Variants in ITPR2 observed in about 807,000 individuals in gnomAD.
The protein encoded by ITPR2 is inositol 1,4,5-trisphosphate-gated calcium channel ITPR2.
A neutral mutation model predicts 317.1 loss-of-function variants in ITPR2; 207 were observed. The observed-to-expected ratio is 0.65, with a 90% CI of 0.58 to 0.73. The LOEUF (loss-of-function observed/expected upper bound fraction) is 0.73. Ranked by LOEUF, ITPR2 falls within the 30% of genes least tolerant of loss-of-function variation. The probability of loss-of-function intolerance (pLI) is 0.00; values close to 1 mark genes in which losing one functional copy is unlikely to be tolerated. For missense variants in ITPR2, 2,613 were observed against 3,284.0 expected (o/e 0.80, Z 4.99); for synonymous variants, 1,156 against 1,149.1 (o/e 1.01, Z -0.12).
intron 32 of ITPR2, among the ~76,000 whole-genome samples, chr12:26,583,123 G>A (rs906867399): frequency 9.9e-5 from 15 of 151,996 alleles, no homozygotes; most frequent in Non-Finnish European, 2.1e-4. Flanking sequence ...ATCTGCCCTC[G>A]TTTCTTGAAA....
At chr12:26,444,671 A>T (rs1373972381) in intron 45 of ITPR2, among the ~76,000 whole-genome samples, 13 of 152,142 alleles carry the variant, frequency 8.5e-5, no homozygotes, top group Non-Finnish European at 1.3e-4. Context: ...TTTTATCGAC[A>T]TTACGGAGCA....
intron 55 of ITPR2, among the ~76,000 whole-genome samples, chr12:26,354,986 T>A (rs1248146243): frequency 6.6e-6 from 1 of 152,156 alleles, no homozygotes; most frequent in Non-Finnish European, 1.5e-5. Context: ...TCAAAGTCTG[T>A]CTTCCCTAGA....
At chr12:26,653,839 G>T in intron 21 of ITPR2, 137 bp downstream of exon 21, 1 of 632,198 alleles carries the variant, frequency 1.6e-6, no homozygotes, top group Non-Finnish European at 2.7e-6. Flanking sequence ...TTATCACTCA[G>T]CCCTGTCATA....
chr12:26,627,937 G>T, intron 23 of ITPR2, 96 bp downstream of exon 23: 1 of 1,182,920 alleles, frequency 8.5e-7, no homozygotes, highest in Non-Finnish European at 1.2e-6. Context: ...AATTTAAAAA[G>T]CACAAAAAAT....
chr12:26,698,438 A>G (rs1178944179), intron 9 of ITPR2, among the ~76,000 whole-genome samples: 2 of 152,248 alleles, frequency 1.3e-5, no homozygotes, highest in African/African-American at 2.4e-5. Context: ...AAAGACATTA[A>G]GTGGATGAAG....
At chr12:26,491,024 G>A (rs1942788295) in intron 39 of ITPR2, among the ~76,000 whole-genome samples, 1 of 152,220 alleles carries the variant, frequency 6.6e-6, no homozygotes, top group Admixed American at 6.5e-5. Flanking sequence ...AAAGAGCTAA[G>A]TGTAGCTGAT....
At chr12:26,778,326 A>T (rs1950014727) in intron 2 of ITPR2, among the ~76,000 whole-genome samples, 1 of 152,204 alleles carries the variant, frequency 6.6e-6, no homozygotes, top group Non-Finnish European at 1.5e-5. Flanking sequence ...GATGATTCAC[A>T]TCACATCCCC....
chr12:26,383,634 C>A (rs1292126060), intron 55 of ITPR2, among the ~76,000 whole-genome samples: 1 of 150,868 alleles, frequency 6.6e-6, no homozygotes, highest in Non-Finnish European at 1.5e-5. Context: ...CATGTGCCCA[C>A]CACCACGCCT....
At chr12:26,590,393 T>G in intron 32 of ITPR2, among the ~76,000 whole-genome samples, 1 of 152,060 alleles carries the variant, frequency 6.6e-6, no homozygotes. Context: ...AAGGAAAAAC[T>G]TGATAGCAAG....
chr12:26,656,347 A>G lies in ITPR2; in HGVS notation c.2394T>C (p.Val798=), dbSNP rs758939837. 1 of 1,614,078 alleles carries G rather than the reference A, an allele frequency of 6.2e-7. No homozygotes were observed. Among genetic ancestry groups the G allele is most frequent in the African/African-American group, 1.3e-5 (1 of 74,930 alleles). The change falls in exon 19 of 57, where the codon GTT becomes GTC. Residue 798 remains valine (V), a synonymous_variant. Transcript: ENST00000381340. ...TTTCTGTCCAGAGCCTGGCATAGCG[A>G]ACAGGCACCACGGACTCCTGGGGAT... ...DRDPQESVVP[V]RYARLWTEIP...
At chr12:26,647,359 A>G (rs1947136329) in intron 21 of ITPR2, among the ~76,000 whole-genome samples, 1 of 152,248 alleles carries the variant, frequency 6.6e-6, no homozygotes, top group Non-Finnish European at 1.5e-5. Context: ...TGGGATTCAC[A>G]TTTGTCCTCA....
At chr12:26,716,007 T>C in intron 6 of ITPR2, 137 bp downstream of exon 6, 1 of 708,682 alleles carries the variant, frequency 1.4e-6, no homozygotes, top group South Asian at 1.8e-5. Context: ...TAATCACAGC[T>C]ATATGTACCT....
rs1054519602 is a variant in ITPR2 at position 26,733,426 on chromosome 12, C to A, written c.164-7661G>T. Among the ~76,000 whole-genome samples the A allele has an allele frequency of 1.4e-4, 22 of 151,948 alleles. No homozygotes were observed. In the South Asian group the frequency reaches 2.9e-3, roughly 20 times the overall value. ...CCTACCACAGTCTTGCAACACAACA[C>A]AACCTCTAGAAAAATATTATCAAGA... On this transcript the variant is annotated intron_variant, in intron 2 of 56. Transcript: ENST00000381340.
At chr12:26,652,893 A>G (rs1415019395) in intron 21 of ITPR2, among the ~76,000 whole-genome samples, 1 of 152,228 alleles carries the variant, frequency 6.6e-6, no homozygotes, top group Non-Finnish European at 1.5e-5. Context: ...CCTCTAGATC[A>G]GGGTGTTTTT....
chr12:26,411,083 G>A, intron 52 of ITPR2: 3 of 450,316 alleles, frequency 6.7e-6, no homozygotes, highest in Non-Finnish European at 1.2e-5. Flanking sequence ...CATACCACAG[G>A]GTAAATGTGC....
At chr12:26,362,301 C>A (rs1351748579) in intron 55 of ITPR2, among the ~76,000 whole-genome samples, 3 of 152,220 alleles carry the variant, frequency 2.0e-5, no homozygotes, top group Non-Finnish European at 4.4e-5. Context: ...AAACCCAGAA[C>A]TAGCAAGGAT....
At chr12:26,800,756 A>C (rs985008890) in intron 1 of ITPR2, 11 of 152,276 alleles carry the variant, frequency 7.2e-5, no homozygotes, top group African/African-American at 2.7e-4. Context: ...GAGGACAACA[A>C]GGATAGAGAA....
intron 37 of ITPR2, among the ~76,000 whole-genome samples, chr12:26,546,650 T>C (rs1276268554): frequency 6.6e-6 from 1 of 152,124 alleles, no homozygotes; most frequent in Non-Finnish European, 1.5e-5. Context: ...ACTTATAATA[T>C]ATTGCAGGGC....
intron 1 of ITPR2, among the ~76,000 whole-genome samples, chr12:26,807,197 C>A (rs1206561616): frequency 1.4e-5 from 2 of 145,478 alleles, no homozygotes; most frequent in East Asian, 2.0e-4. Flanking sequence ...TCAAAAAAAA[C>A]AAAAAAGAAG....
Sources: gnomAD v4.1 joint callset for allele counts (sites outside exome capture counted in the v4.1 genomes callset) on GRCh38, gnomAD v4.1.1 for gene constraint, MANE v1.5 for transcripts, NCBI Gene and HGNC (gene_info 2026-07-23, HGNC 2026-07-21) for gene names.